Variants in CA8 observed in about 807,000 individuals in gnomAD.
The protein encoded by CA8 is carbonic anhydrase-related protein.
A neutral mutation model predicts 41.4 loss-of-function variants in CA8; 22 were observed. The ratio of observed to expected loss-of-function variants is 0.53; its 90% CI spans 0.38 to 0.76. The LOEUF (loss-of-function observed/expected upper bound fraction) is 0.76, where lower values mean the gene tolerates loss of function less well. Ranked by LOEUF, CA8 falls within the 30% of genes least tolerant of loss-of-function variation. The pLI is 0.00. For synonymous variants in CA8, 121 were observed against 130.6 expected (o/e 0.93, Z 0.50); for missense variants, 270 against 352.8 (o/e 0.77, Z 1.88).
intron 3 of CA8, among the ~76,000 whole-genome samples, chr8:60,247,217 A>G (rs548711108): frequency 6.6e-6 from 1 of 151,874 alleles, no homozygotes; most frequent in South Asian, 2.1e-4. Flanking sequence ...TTCATGGCAT[A>G]TTTTCTTTTT....
At position 60,243,199 on chromosome 8, in the gene CA8, T is replaced by A. The variant is rs1345481899; in HGVS notation, c.418-10820A>T. On this transcript the variant is annotated intron_variant, in intron 3 of 8. Transcript: ENST00000317995. ...CATCACTAATATTCTAACACCAAGG[T>A]CACCTGCCTCCCAGAGAAAATAAAA... is the stretch of plus-strand genomic sequence containing the variant. Among the ~76,000 whole-genome samples, 2 of 152,094 alleles carry A rather than the reference T, an allele frequency of 1.3e-5. 1 individual carries two copies. The highest frequency in any genetic ancestry group is 2.9e-5 in the Non-Finnish European group (2 of 68,024).
rs535121718 is a variant in CA8, at chr8:60,210,135, G to C, written c.739-1216C>G. 4.6e-5 allele frequency among the ~76,000 whole-genome samples: 7 copies of C among 152,286 alleles called. No individual in the cohort carries two copies. The East Asian group carries it at 1.3e-3, about 29-fold the overall frequency. ...ACCAGATTAGCTAGTGGGTAAGTCT[G>C]ACAATTCCAAGTCTACCTGCTCTTT... On this transcript the variant is annotated intron_variant, in intron 7 of 8. Transcript: ENST00000317995.
intron 7 of CA8, among the ~76,000 whole-genome samples, chr8:60,211,740 A>G (rs554861481): frequency 1.3e-5 from 2 of 152,332 alleles, no homozygotes; most frequent in South Asian, 4.1e-4. Context: ...CACTTTGAAG[A>G]CTTCCAACAT....
At chr8:60,259,579 T>C (rs1442756809) in intron 3 of CA8, among the ~76,000 whole-genome samples, 2 of 152,226 alleles carry the variant, frequency 1.3e-5, no homozygotes, top group African/African-American at 4.8e-5. Flanking sequence ...AAAAGAACAT[T>C]TCTGTTTGTT....
intron 7 of CA8, among the ~76,000 whole-genome samples, chr8:60,218,574 T>G (rs1174369971): frequency 1.3e-5 from 2 of 152,178 alleles, no homozygotes; most frequent in Non-Finnish European, 2.9e-5. Flanking sequence ...CATAATTACC[T>G]TACTACATCA....
At chr8:60,259,704 T>G (rs1236622488) in intron 3 of CA8, among the ~76,000 whole-genome samples, 1 of 151,998 alleles carries the variant, frequency 6.6e-6, no homozygotes, top group Non-Finnish European at 1.5e-5. Context: ...AAAATGCAAG[T>G]GTTCATTAGA....
At chr8:60,209,207 C>T (rs192175503) in intron 7 of CA8, among the ~76,000 whole-genome samples, 3 of 152,158 alleles carry the variant, frequency 2.0e-5, no homozygotes, top group Non-Finnish European at 4.4e-5. Context: ...TGATACAGGC[C>T]GGGCACAGTG....
chr8:60,202,429 A>C (rs1806460782), intron 8 of CA8, among the ~76,000 whole-genome samples: 1 of 152,148 alleles, frequency 6.6e-6, no homozygotes, highest in South Asian at 2.1e-4. Flanking sequence ...GAAATGAGAC[A>C]TATATGAACC....
chr8:60,191,351 C>G (rs1388373292), intron 8 of CA8, among the ~76,000 whole-genome samples: 1 of 151,926 alleles, frequency 6.6e-6, no homozygotes, highest in Non-Finnish European at 1.5e-5. Flanking sequence ...TAAAATCACA[C>G]CAATTCAGAG....
chr8:60,260,415 T>C (rs1803692165), intron 3 of CA8, among the ~76,000 whole-genome samples: 1 of 152,196 alleles, frequency 6.6e-6, no homozygotes, highest in African/African-American at 2.4e-5. Flanking sequence ...CACCCTCCTG[T>C]GGAAGGTGAA....
chr8:60,255,022 C>G (rs1808576927), intron 3 of CA8, among the ~76,000 whole-genome samples: 1 of 152,140 alleles, frequency 6.6e-6, no homozygotes, highest in South Asian at 2.1e-4. Context: ...TGCCAGTGAG[C>G]TTTAAAGGGT....
intron 3 of CA8, among the ~76,000 whole-genome samples, chr8:60,258,512 G>A: frequency 6.6e-6 from 1 of 152,158 alleles, no homozygotes; most frequent in East Asian, 1.9e-4. Flanking sequence ...TTTCATGGAA[G>A]ACAATTTTTC....
chr8:60,224,701 G>T (rs1225905398), intron 5 of CA8, 116 bp from the exon 6 acceptor site: 40 of 696,444 alleles, frequency 5.7e-5, no homozygotes, highest in Non-Finnish European at 9.2e-5. Context: ...GCCTCATCAG[G>T]TCCCACAGAC....
chr8:60,214,684 A>G (rs887396989), intron 7 of CA8, among the ~76,000 whole-genome samples: 2 of 152,168 alleles, frequency 1.3e-5, no homozygotes, highest in Non-Finnish European at 1.5e-5. Flanking sequence ...TCCAGATCCC[A>G]CAGGCTGAGC....
At position 60,188,484 on chromosome 8, in the gene CA8, G is replaced by A. The variant is rs187864779; in HGVS notation, c.*1537C>T. On this transcript the variant is annotated 3_prime_UTR_variant, in exon 9 of 9. Coordinates refer to ENST00000317995, the MANE Select transcript of CA8 (RefSeq NM_004056.6). ...ATGTTAATTACAAATAAGGCTGCAC[G>A]TGTGCAGCCAATGTTTGGCATGTGA... 2.0e-5 allele frequency: 3 copies of A among 152,286 alleles called. No individual in the cohort carries two copies. Among genetic ancestry groups the A allele is most frequent in the Non-Finnish European group, 1.5e-5 (1 of 68,024 alleles). 9.4% of individuals were successfully genotyped at this position (152,286 alleles called of 1,614,324 possible).
chr8:60,230,998 T>C (rs11780368), intron 4 of CA8, among the ~76,000 whole-genome samples: 147,890 of 152,232 alleles, frequency 0.97, 72,022 homozygotes, highest in Non-Finnish European at 0.99. Context: ...TTTTATTTTA[T>C]TATTTTTTAT....
In CA8 at chr8:60,189,807, T is replaced by C. The variant is rs1388351144; in HGVS notation, c.*214A>G. On this transcript the variant is annotated 3_prime_UTR_variant, in exon 9 of 9. Transcript: ENST00000317995. ...GTGGATATATAATATAGGGTTTCTT[T>C]GGAATATACAGCCATTTCTAATATT... is the stretch of plus-strand genomic sequence containing the variant. The C allele has an allele frequency of 6.6e-6, 1 of 152,522 alleles. No individual in the cohort carries two copies. The highest frequency in any genetic ancestry group is 2.4e-5 in the African/African-American group (1 of 41,428). The allele number at this position is 152,522 out of a possible 1,614,324, so 9.4% of individuals were successfully genotyped here. A position where few individuals can be genotyped will look rare whatever the true frequency, so the allele number is the denominator to read the frequency against.
intron 3 of CA8, among the ~76,000 whole-genome samples, chr8:60,256,976 T>G (rs1362971801): frequency 6.6e-6 from 1 of 152,184 alleles, no homozygotes; most frequent in Non-Finnish European, 1.5e-5. Flanking sequence ...GTTTTATTTG[T>G]TTATTTTTAA....
chr8:60,223,126 C>A (rs1157409450), intron 6 of CA8, among the ~76,000 whole-genome samples: 4 of 152,104 alleles, frequency 2.6e-5, no homozygotes, highest in African/African-American at 9.7e-5. Flanking sequence ...TACTTTAATT[C>A]ATTTAACCTT....
Sources: gnomAD v4.1 joint callset for allele counts (sites outside exome capture counted in the v4.1 genomes callset) on GRCh38, gnomAD v4.1.1 for gene constraint, MANE v1.5 for transcripts, NCBI Gene and HGNC (gene_info 2026-07-23, HGNC 2026-07-21) for gene names.